CAPN2: variants seen among roughly 807,000 people sequenced by gnomAD.
CAPN2 encodes the protein calpain 2.
CAPN2 carries 92 observed loss-of-function variants against 102.3 expected under a neutral mutation model. That is an observed-to-expected ratio of 0.90 (90% CI 0.76 to 1.07). The LOEUF (loss-of-function observed/expected upper bound fraction) is 1.07. Among genes scored for constraint, CAPN2 ranks in the 50% least tolerant of loss-of-function variants. The probability of loss-of-function intolerance (pLI) is 0.00; values close to 1 mark genes in which losing one functional copy is unlikely to be tolerated. For synonymous variants in CAPN2, 340 were observed against 355.4 expected, an observed-to-expected ratio of 0.96 and a Z score of 0.49; for missense variants, 800 against 909.4, an observed-to-expected ratio of 0.88 and a Z score of 1.55.
At position 223,774,947 on chromosome 1, in the gene CAPN2, C is replaced by T; in HGVS notation, c.*90C>T. On this transcript the variant is annotated 3_prime_UTR_variant, in exon 21 of 21. Coordinates refer to ENST00000295006, the MANE Select transcript of CAPN2 (RefSeq NM_001748.5). ...AGAAATACACTTTGTATCTGGACCT[C>T]AAAATTATGGGAACATTTACTTAAA... The T allele has an allele frequency of 1.9e-6, 2 of 1,056,736 alleles. No homozygotes were observed. The highest frequency in any genetic ancestry group is 1.4e-6 in the Non-Finnish European group (1 of 692,180). The allele number at this position is 1,056,736 out of a possible 1,614,324, so 65.5% of individuals were successfully genotyped here. A position where few individuals can be genotyped will look rare whatever the true frequency, so the allele number is the denominator to read the frequency against.
chr1:223,773,764 G>A (rs937861720), intron 20 of CAPN2, among the ~76,000 whole-genome samples: 10 of 152,088 alleles, frequency 6.6e-5, no homozygotes, highest in African/African-American at 2.4e-4. Flanking sequence ...GCTGAGGCAG[G>A]AGAATCACAT....
intron 2 of CAPN2, among the ~76,000 whole-genome samples, chr1:223,722,419 C>G (rs983648519): frequency 2.0e-5 from 3 of 150,798 alleles, no homozygotes; most frequent in African/African-American, 7.3e-5. Flanking sequence ...TTCCAAGTAG[C>G]CAGGACTACA....
chr1:223,738,860 C>T (rs1225636216), intron 2 of CAPN2, among the ~76,000 whole-genome samples: 6 of 152,256 alleles, frequency 3.9e-5, no homozygotes, highest in East Asian at 1.9e-4. Context: ...CCCGCAGTCA[C>T]GGGACACAGC....
upstream of CAPN2, among the ~76,000 whole-genome samples, chr1:223,712,072 T>C (rs930334222): frequency 6.6e-6 from 1 of 152,160 alleles, no homozygotes; most frequent in Non-Finnish European, 1.5e-5. Flanking sequence ...TTCTCATCTG[T>C]AAAATGGGGA....
chr1:223,734,330 T>C (rs1660399513), intron 2 of CAPN2, among the ~76,000 whole-genome samples: 1 of 152,170 alleles, frequency 6.6e-6, no homozygotes, highest in Non-Finnish European at 1.5e-5. Flanking sequence ...TTGTCACCTA[T>C]GCTGGAGTGC....
At chr1:223,743,718 G>A (rs1660681422) in intron 2 of CAPN2, among the ~76,000 whole-genome samples, 1 of 152,164 alleles carries the variant, frequency 6.6e-6, no homozygotes, top group Admixed American at 6.5e-5. Flanking sequence ...AGCTGCGCTG[G>A]TTTCATTCTC....
At chr1:223,728,836 C>T (rs1035638299) in intron 2 of CAPN2, among the ~76,000 whole-genome samples, 6 of 150,378 alleles carry the variant, frequency 4.0e-5, no homozygotes, top group African/African-American at 1.5e-4. Flanking sequence ...TTCTGAGATG[C>T]CCATGGGGCT....
chr1:223,722,368 G>C (rs1030892707), intron 2 of CAPN2, among the ~76,000 whole-genome samples: 7 of 129,130 alleles, frequency 5.4e-5, no homozygotes, highest in Non-Finnish European at 7.7e-5. Context: ...GCTCACTGCA[G>C]CCTCGACCTC....
intron 2 of CAPN2, among the ~76,000 whole-genome samples, chr1:223,734,179 C>T (rs895305427): frequency 2.6e-5 from 4 of 152,228 alleles, no homozygotes; most frequent in African/African-American, 4.8e-5. Flanking sequence ...GCTGGAGACC[C>T]GGTCAGGCCT....
At chr1:223,774,234 C>G (rs1167303633) in intron 20 of CAPN2, among the ~76,000 whole-genome samples, 6 of 151,702 alleles carry the variant, frequency 4.0e-5, no homozygotes, top group Non-Finnish European at 5.9e-5. Context: ...CATCTTCTTA[C>G]CCACTGGCTT....
At chr1:223,773,108 A>ATAAC in intron 20 of CAPN2, 1 of 152,288 alleles carries the variant, frequency 6.6e-6, no homozygotes, top group East Asian at 1.9e-4. Context: ...CAGCAACTAA[A>ATAAC]TAACTGTCTC....
In CAPN2 at chr1:223,727,104, G is replaced by A. The variant is rs530072456; in HGVS notation, c.307+9273G>A. Among the ~76,000 whole-genome samples the A allele has an allele frequency of 6.6e-6, 1 of 151,792 alleles. No homozygotes were observed. Among genetic ancestry groups the A allele is most frequent in the East Asian group, 1.9e-4 (1 of 5,132 alleles). ...TGAGAGATGTGTCTCTCTGGGACAGGGTGTCAGGTCTGCTGGAGATTGTTA... is the reference window on the plus strand; with the variant it reads ...TGAGAGATGTGTCTCTCTGGGACAGAGTGTCAGGTCTGCTGGAGATTGTTA... On this transcript the variant is annotated intron_variant, in intron 2 of 20. Coordinates refer to ENST00000295006, the MANE Select transcript of CAPN2 (RefSeq NM_001748.5). This position sits in a 1 kb window ranked among gnomAD's most constrained non-coding sequence, Gnocchi z 4.1.
intron 2 of CAPN2, among the ~76,000 whole-genome samples, chr1:223,728,946 C>T (rs1385834597): frequency 3.9e-5 from 6 of 152,200 alleles, no homozygotes; most frequent in African/African-American, 1.4e-4. Flanking sequence ...GCTGAGACTT[C>T]AGCAAAAAAG....
chr1:223,721,985 G>A (rs933694346), intron 2 of CAPN2, among the ~76,000 whole-genome samples: 4 of 152,094 alleles, frequency 2.6e-5, no homozygotes, highest in East Asian at 1.9e-4. Context: ...CCAAATTGCC[G>A]AAGAAAAAGA....
intron 1 of CAPN2, among the ~76,000 whole-genome samples, chr1:223,702,635 C>T (rs1240793956): frequency 1.3e-5 from 2 of 152,056 alleles, no homozygotes; most frequent in East Asian, 3.9e-4. Context: ...AAGAAGAGAG[C>T]AAAACGGGGA....
At chr1:223,715,335 T>C (rs185174846) in intron 1 of CAPN2, among the ~76,000 whole-genome samples, 1 of 152,158 alleles carries the variant, frequency 6.6e-6, no homozygotes, top group African/African-American at 2.4e-5. Flanking sequence ...GGAGAACTGA[T>C]AGGTAGAGTA....
In CAPN2 at chr1:223,743,356, C is replaced by A. The variant is rs142941194; in HGVS notation, c.308-744C>A. On this transcript the variant is annotated intron_variant, in intron 2 of 20. Transcript: ENST00000295006. The stretch of plus-strand genomic sequence containing the variant: ...TTCCATCTGCACTGCTCCGTACTTA[C>A]TTCCTGCGACTGTACTCCCTGCCAG... Among the ~76,000 whole-genome samples the A allele has an allele frequency of 2.8e-3, 421 of 152,310 alleles. 3 individuals are homozygous for A. Among genetic ancestry groups the A allele is most frequent in the African/African-American group, 8.9e-3 (371 of 41,568 alleles).
At chr1:223,748,966 G>T in intron 5 of CAPN2, 73 bp from the exon 6 acceptor site, 1 of 1,403,424 alleles carries the variant, frequency 7.1e-7, no homozygotes, top group South Asian at 1.2e-5. Context: ...CCGGCAGTAG[G>T]ACAGAGGGAG....
At chr1:223,769,769 T>G (rs750989383) in intron 16 of CAPN2, 72 bp from the exon 17 acceptor site, 3 of 1,130,514 alleles carry the variant, frequency 2.7e-6, no homozygotes, top group Non-Finnish European at 3.9e-6. Flanking sequence ...AAAGATCCAG[T>G]TGAGAAGACA....
Sources: allele counts gnomAD v4.1 joint callset (sites outside exome capture counted in the v4.1 genomes callset), GRCh38; gene constraint gnomAD v4.1.1; non-coding constraint Gnocchi (gnomAD v3.1); transcripts MANE v1.5; gene names NCBI Gene and HGNC (gene_info 2026-07-23, HGNC 2026-07-21).